The following CNOT9 variants were observed in gnomAD, a reference collection of about 807,000 sequenced individuals.
CNOT9 encodes RCD1 required for cell differentiation1 homolog.
CNOT9 carries 8 observed loss-of-function variants against 37.4 expected under a neutral mutation model. That is an observed-to-expected ratio of 0.21 (90% CI 0.13 to 0.39). CNOT9 has a LOEUF of 0.39. Ranked by LOEUF, CNOT9 falls within the 10% of genes least tolerant of loss-of-function variation. The probability of loss-of-function intolerance (pLI) is 1.00; values close to 1 mark genes in which losing one functional copy is unlikely to be tolerated. For missense variants in CNOT9, 154 were observed against 365.3 expected, an observed-to-expected ratio of 0.42 and a Z score of 4.71; for synonymous variants, 120 against 137.6, an observed-to-expected ratio of 0.87 and a Z score of 0.90.
intron 1 of CNOT9, among the ~76,000 whole-genome samples, chr2:218,573,259 A>C (rs1222169874): frequency 6.6e-6 from 1 of 150,714 alleles, no homozygotes; most frequent in Non-Finnish European, 1.5e-5. Flanking sequence ...CGCAGGTTAT[A>C]GTGAGCTGAG....
chr2:218,574,041 C>T (rs1251569285), intron 1 of CNOT9: 9 of 432,358 alleles, frequency 2.1e-5, no homozygotes, highest in African/African-American at 6.2e-5. Context: ...GTGATCTTGG[C>T]TCACCGCAAC....
intron 5 of CNOT9, among the ~76,000 whole-genome samples, chr2:218,591,939 A>C (rs1694791147): frequency 1.3e-5 from 2 of 152,122 alleles, no homozygotes; most frequent in Admixed American, 1.3e-4. Flanking sequence ...TAACAGTTAT[A>C]CCGGGCACAT....
At chr2:218,570,573 A>G (rs1419789098) in intron 1 of CNOT9, among the ~76,000 whole-genome samples, 2 of 152,228 alleles carry the variant, frequency 1.3e-5, no homozygotes, top group Admixed American at 6.5e-5. Flanking sequence ...GGGAAAAGCA[A>G]GTTGAAAGAT....
intron 1 of CNOT9, among the ~76,000 whole-genome samples, chr2:218,571,791 G>T (rs1365914515): frequency 7.1e-6 from 1 of 140,276 alleles, no homozygotes; most frequent in Admixed American, 7.3e-5. Context: ...CTTCATGTTG[G>T]TCAGCCTGGT....
At chr2:218,580,157 CG>C (rs1430909014) in intron 1 of CNOT9, among the ~76,000 whole-genome samples, 2 of 151,964 alleles carry the variant, frequency 1.3e-5, no homozygotes, top group Non-Finnish European at 2.9e-5. Context: ...TTAGTAGAGA[CG>C]GGGTTTCGCC....
chr2:218,580,947 G>A, intron 2 of CNOT9: 2 of 656,882 alleles, frequency 3.0e-6, no homozygotes, highest in South Asian at 1.5e-5. Context: ...GTCAGTCTGA[G>A]GTGGGCCCTA....
At chr2:218,584,771 C>CT in intron 4 of CNOT9, 50 bp downstream of exon 4, 4 of 1,297,714 alleles carry the variant, frequency 3.1e-6, no homozygotes, top group Non-Finnish European at 3.4e-6. Flanking sequence ...CAGTAGTAGT[C>CT]TAAGTTGGGT....
chr2:218,584,015 T>A (rs978592993), intron 3 of CNOT9, among the ~76,000 whole-genome samples: 2 of 152,238 alleles, frequency 1.3e-5, no homozygotes, highest in African/African-American at 4.8e-5. Context: ...TGTATTGGTT[T>A]GTAAGGTTTA....
Position 218,594,508 on chromosome 2 carries a change from G to A in CNOT9, c.*232G>A, listed in dbSNP as rs1486180233. The stretch of plus-strand genomic sequence containing the variant: ...CAGGAAATGGGCTCCTGACACAGCA[G>A]TCTGCCACCACAGCCCCAGGAGGGT... On this transcript the variant is annotated 3_prime_UTR_variant, in exon 8 of 8. Transcript: ENST00000273064. 4 of 540,648 alleles carry A rather than the reference G, an allele frequency of 7.4e-6. No homozygotes were observed. The highest frequency in any genetic ancestry group is 1.3e-5 in the Non-Finnish European group (4 of 305,106). 33.5% of individuals were successfully genotyped at this position (540,648 alleles called of 1,614,324 possible). A position where few individuals can be genotyped will look rare whatever the true frequency, so the allele number is the denominator to read the frequency against.
At chr2:218,571,503 G>A (rs1693990092) in intron 1 of CNOT9, among the ~76,000 whole-genome samples, 1 of 151,974 alleles carries the variant, frequency 6.6e-6, no homozygotes, top group Admixed American at 6.6e-5. Flanking sequence ...GATAGTATGG[G>A]AAGTATCTTA....
intron 1 of CNOT9, among the ~76,000 whole-genome samples, chr2:218,576,783 C>G (rs1356966644): frequency 6.6e-6 from 1 of 152,108 alleles, no homozygotes; most frequent in Non-Finnish European, 1.5e-5. Context: ...GCCTGGCCAA[C>G]GTGGGAAGGT....
chr2:218,585,642 T>TA (rs1553564930), intron 4 of CNOT9, among the ~76,000 whole-genome samples: 77,401 of 132,280 alleles, frequency 0.59, 21,745 homozygotes, highest in East Asian at 0.85. Context: ...TATTTTATTT[T>TA]TTTTTTTTTT....
chr2:218,573,816 G>A (rs1393120092), intron 1 of CNOT9: 4 of 261,916 alleles, frequency 1.5e-5, no homozygotes, highest in African/African-American at 7.0e-5. Flanking sequence ...TGTATGTTAA[G>A]CTTTCTTGGG....
chr2:218,570,474 A>C (rs1693950414), intron 1 of CNOT9, among the ~76,000 whole-genome samples: 1 of 152,180 alleles, frequency 6.6e-6, no homozygotes, highest in Admixed American at 6.5e-5. Context: ...GTAACTATTC[A>C]ATGTAGAGAG....
At chr2:218,593,676 A>G (rs1307412059) in intron 7 of CNOT9, 5 of 1,290,678 alleles carry the variant, frequency 3.9e-6, no homozygotes, top group Non-Finnish European at 5.0e-6. Flanking sequence ...ATTTCTGTAA[A>G]GACACAAATT....
At chr2:218,572,753 T>C (rs522377) in intron 1 of CNOT9, 519,058 of 942,814 alleles carry the variant, frequency 0.55, 148,292 homozygotes, top group East Asian at 0.78. Flanking sequence ...TGTTTTTAAT[T>C]TCCCACTGAT....
At chr2:218,572,166 C>G (rs528982384) in intron 1 of CNOT9, among the ~76,000 whole-genome samples, 1 of 150,820 alleles carries the variant, frequency 6.6e-6, no homozygotes, top group Non-Finnish European at 1.5e-5. Context: ...ACTAAAAATA[C>G]AAAAATTAGC....
In CNOT9 at chr2:218,595,763, A is replaced by C. The variant is rs1239334037; in HGVS notation, c.*1487A>C. 2 of 151,558 alleles carry C rather than the reference A, an allele frequency of 1.3e-5. No individual in the cohort carries two copies. Among genetic ancestry groups the C allele is most frequent in the Admixed American group, 6.6e-5 (1 of 15,218 alleles). 9.4% of individuals were successfully genotyped at this position (151,558 alleles called of 1,614,324 possible). ...AAGGGGTAGGCTCAAAAAAAAAAAAACCCATTTGCAGAGGCAGTTTTGCCA... is the reference window on the plus strand; with the variant it reads ...AAGGGGTAGGCTCAAAAAAAAAAAACCCCATTTGCAGAGGCAGTTTTGCCA... On this transcript the variant is annotated 3_prime_UTR_variant, in exon 8 of 8. Coordinates refer to ENST00000273064, the MANE Select transcript of CNOT9 (RefSeq NM_005444.3).
intron 1 of CNOT9, among the ~76,000 whole-genome samples, chr2:218,577,711 G>A (rs1447217694): frequency 6.6e-6 from 1 of 152,238 alleles, no homozygotes; most frequent in Non-Finnish European, 1.5e-5. Context: ...ACCAGGGCAA[G>A]ATGGGGTACA....
Sources: allele counts gnomAD v4.1 joint callset (sites outside exome capture counted in the v4.1 genomes callset), GRCh38; gene constraint gnomAD v4.1.1; transcripts MANE v1.5; gene names NCBI Gene and HGNC (gene_info 2026-07-23, HGNC 2026-07-21).